ATP7A: variants seen among roughly 807,000 people sequenced by gnomAD.
ATP7A encodes the protein ATPase copper transporting alpha.
In ATP7A, 7 loss-of-function variants were observed where a neutral mutation model predicts 83.5. The ratio of observed to expected loss-of-function variants is 0.08; its 90% CI spans 0.05 to 0.16. The LOEUF (loss-of-function observed/expected upper bound fraction) is 0.16, where lower values mean the gene tolerates loss of function less well. Among genes scored for constraint, ATP7A ranks in the 10% least tolerant of loss-of-function variants. ATP7A has a pLI of 1.00. For missense variants in ATP7A, 940 were observed against 1,120.8 expected, an observed-to-expected ratio of 0.84 and a Z score of 2.30; for synonymous variants, 354 against 395.2, an observed-to-expected ratio of 0.90 and a Z score of 1.24.
At chrX:78,011,820 T>C (rs2077828667) in intron 9 of ATP7A, 146 bp downstream of exon 9, 2 of 619,504 alleles carry the variant, frequency 3.2e-6, no homozygotes, top group South Asian at 4.6e-5. Flanking sequence ...AATCTTCAAC[T>C]GGGTAGTTAT....
chrX:77,994,808 C>T (rs373836953), intron 4 of ATP7A, among the ~76,000 whole-genome samples: 12 of 111,578 alleles, frequency 1.1e-4, no homozygotes, highest in African/African-American at 3.3e-4. Context: ...TCCCAAAGTG[C>T]TGGGATTACA....
chrX:77,916,064 A>G (rs1192872118), intron 1 of ATP7A, among the ~76,000 whole-genome samples: 1 of 111,005 alleles, frequency 9.0e-6, no homozygotes, highest in Admixed American at 9.6e-5. Context: ...AACTTACACC[A>G]TAGAAAATTG....
At chrX:77,955,047 G>A (rs1032293927) in intron 1 of ATP7A, among the ~76,000 whole-genome samples, 8 of 110,788 alleles carry the variant, frequency 7.2e-5, no homozygotes, top group Non-Finnish European at 1.3e-4. Flanking sequence ...TTACTACCCA[G>A]CCTAAGAAGT....
At chrX:77,961,834 T>C (rs781855722) in intron 1 of ATP7A, among the ~76,000 whole-genome samples, 2 of 111,461 alleles carry the variant, frequency 1.8e-5, no homozygotes, top group East Asian at 5.6e-4. Flanking sequence ...TGGGCTTTTG[T>C]TCTCTTGTAG....
chrX:77,977,783 CAA>C (rs1483217183), intron 2 of ATP7A, among the ~76,000 whole-genome samples: 5 of 112,618 alleles, frequency 4.4e-5, no homozygotes, highest in African/African-American at 1.6e-4. Context: ...GACAGATACT[CAA>C]GACTACTTTC....
At chrX:77,916,230 C>T (rs1234071670) in intron 1 of ATP7A, among the ~76,000 whole-genome samples, 2 of 108,399 alleles carry the variant, frequency 1.8e-5, no homozygotes, top group Non-Finnish European at 1.9e-5. Flanking sequence ...TGGCATGCGC[C>T]TATAGTCCCA....
intron 7 of ATP7A, among the ~76,000 whole-genome samples, chrX:78,010,935 G>C (rs1366334645): frequency 9.0e-6 from 1 of 110,684 alleles, no homozygotes; most frequent in African/African-American, 3.3e-5. Context: ...AGTTGTACTT[G>C]AGTTAAACTC....
In ATP7A at chrX:78,029,271, C is replaced by A. The variant is rs72554649; in HGVS notation, c.2938C>A (p.Arg980=). ...YFPGYNRSIS[R]TETIIRFAFQ... ...AAAGGGCTACAATAGAAGTATCTCC[C>A]GAACAGAAACGATAATACGATTTGC... Residue 980 remains arginine (R), a synonymous_variant, in exon 15 of 23, where the codon CGA becomes AGA. Coordinates refer to ENST00000341514, the MANE Select transcript of ATP7A (RefSeq NM_000052.7). The A allele has an allele frequency of 8.3e-7, 1 of 1,210,794 alleles. No individual in the cohort carries two copies. The highest frequency in any genetic ancestry group is 1.1e-6 in the Non-Finnish European group (1 of 894,921).
chrX:78,003,729 G>A (rs1466018005), intron 6 of ATP7A, among the ~76,000 whole-genome samples: 2 of 110,447 alleles, frequency 1.8e-5, no homozygotes, highest in African/African-American at 6.6e-5. Context: ...ATTAGTTGAG[G>A]TCAGGAGTTC....
At chrX:77,915,090 G>A (rs941829284) in intron 1 of ATP7A, among the ~76,000 whole-genome samples, 5 of 111,644 alleles carry the variant, frequency 4.5e-5, no homozygotes, top group African/African-American at 1.6e-4. Flanking sequence ...CGTGGCAGGC[G>A]GATTGCTTGA....
intron 9 of ATP7A, 28 bp downstream of exon 9, chrX:78,011,702 G>C (rs1207655699): frequency 1.7e-6 from 2 of 1,187,925 alleles, no homozygotes; most frequent in Non-Finnish European, 2.3e-6. Flanking sequence ...AAATATATTT[G>C]TTAATAATAA....
chrX:77,948,805 C>T, intron 1 of ATP7A, among the ~76,000 whole-genome samples: 1 of 111,505 alleles, frequency 9.0e-6, no homozygotes, highest in Admixed American at 9.5e-5. Context: ...AGAAGGGAAT[C>T]GTAAAAATTA....
chrX:78,000,264 C>CT (rs1374631356), intron 5 of ATP7A, among the ~76,000 whole-genome samples: 9 of 111,019 alleles, frequency 8.1e-5, no homozygotes, highest in Non-Finnish European at 1.7e-4. Context: ...TTCTATTATT[C>CT]TTTTTTTAGA....
At chrX:77,992,117 T>A (rs2149084470) in intron 4 of ATP7A, among the ~76,000 whole-genome samples, 1 of 107,268 alleles carries the variant, frequency 9.3e-6, no homozygotes, top group Non-Finnish European at 1.9e-5. Flanking sequence ...CAGGCTAGAG[T>A]GCAGTGGCAT....
At chrX:78,024,777 C>T (rs1430490908) in intron 14 of ATP7A, among the ~76,000 whole-genome samples, 1 of 111,129 alleles carries the variant, frequency 9.0e-6, no homozygotes, top group African/African-American at 3.3e-5. Flanking sequence ...GTCAGGAGCC[C>T]TATAACAAGG....
chrX:77,968,785 G>A (rs1311526577), intron 1 of ATP7A: 2 of 1,125,241 alleles, frequency 1.8e-6, no homozygotes, highest in African/African-American at 1.8e-5. Context: ...CTACAGATGT[G>A]GTCAGTGTGA....
rs369311354 is a variant in ATP7A, at chrX:77,920,897, C to T, written c.-22+10062C>T. Among the ~76,000 whole-genome samples the T allele has an allele frequency of 3.3e-4, 37 of 111,633 alleles. No individual in the cohort carries two copies. The East Asian group carries it at 9.0e-3, about 27-fold the overall frequency. On this transcript the variant is annotated intron_variant, in intron 1 of 22. Transcript: ENST00000341514. Reference sequence around the variant, plus strand: ...GAAATCTCTGTACTGCTTTCCACCACGGCTGAACTAATTTACATTCCCACC... The same window carrying T: ...GAAATCTCTGTACTGCTTTCCACCATGGCTGAACTAATTTACATTCCCACC...
At chrX:77,931,146 C>T (rs1368048168) in intron 1 of ATP7A, among the ~76,000 whole-genome samples, 11 of 108,707 alleles carry the variant, frequency 1.0e-4, no homozygotes, top group Non-Finnish European at 1.7e-4. Context: ...TTTTCCTAGG[C>T]AGAGGACCCT....
At chrX:77,955,960 A>C (rs782407287) in intron 1 of ATP7A, among the ~76,000 whole-genome samples, 2 of 110,282 alleles carry the variant, frequency 1.8e-5, no homozygotes, top group Non-Finnish European at 3.8e-5. Context: ...ATGTTGTCAC[A>C]GATGGCAGAA....
Sources: gnomAD v4.1 joint callset for allele counts (sites outside exome capture counted in the v4.1 genomes callset) on GRCh38, gnomAD v4.1.1 for gene constraint, MANE v1.5 for transcripts, NCBI Gene and HGNC (gene_info 2026-07-23, HGNC 2026-07-21) for gene names.